FBN1: variants seen among roughly 807,000 people sequenced by gnomAD.
The protein encoded by FBN1 is fibrillin-1.
In FBN1, 29 loss-of-function variants were observed where a neutral mutation model predicts 365.1. The observed-to-expected ratio is 0.08, with a 90% CI of 0.06 to 0.11. The LOEUF (loss-of-function observed/expected upper bound fraction) is 0.11, where lower values mean the gene tolerates loss of function less well. Among genes scored for constraint, FBN1 ranks in the 10% least tolerant of loss-of-function variants. The pLI is 1.00. For synonymous variants in FBN1, 1,210 were observed against 1,270.5 expected (o/e 0.95, Z 1.01); for missense variants, 2,476 against 3,703.2 (o/e 0.67, Z 8.60).
At chr15:48,517,310 G>T (rs2043813256) in intron 10 of FBN1, among the ~76,000 whole-genome samples, 1 of 152,210 alleles carries the variant, frequency 6.6e-6, no homozygotes, top group Non-Finnish European at 1.5e-5. Context: ...ATGAGCTCAT[G>T]TAAGAGTGGT....
chr15:48,597,854 G>A (rs890969342), intron 5 of FBN1, among the ~76,000 whole-genome samples: 3 of 152,202 alleles, frequency 2.0e-5, no homozygotes, highest in Non-Finnish European at 2.9e-5. Flanking sequence ...TACAGATGAG[G>A]AAGCTGAAGT....
intron 6 of FBN1, among the ~76,000 whole-genome samples, chr15:48,559,399 T>C (rs1413471742): frequency 1.3e-5 from 2 of 152,022 alleles, no homozygotes; most frequent in Non-Finnish European, 2.9e-5. Context: ...GAGGCTGGAT[T>C]CCCCCAGACT....
In FBN1 at chr15:48,444,583, T is replaced by C. The variant is rs183690919; in HGVS notation, c.5995A>G (p.Ile1999Val). Reference protein sequence around the residue: ...CQNLDGSYRCICPPGYSLQNE... With the variant: ...CQNLDGSYRCVCPPGYSLQNE... ...TGAAGACTGTATCCAGGTGGGCAAATGCATCTGTAGGACCCATCCAAGTTT... is the reference window on the plus strand; with the variant it reads ...TGAAGACTGTATCCAGGTGGGCAAACGCATCTGTAGGACCCATCCAAGTTT... The change falls in exon 49 of 66, where the codon ATT becomes GTT. Residue 1999 changes from isoleucine to valine, a missense_variant. Physicochemically the swap from Ile to Val is conservative, Grantham distance 29. This residue lies in a region of FBN1 where 1,780 missense variants were observed against 2,840.8 expected (regional missense o/e 0.63). Transcript: ENST00000316623. 1.9e-6 allele frequency: 3 copies of C among 1,613,702 alleles called. No individual in the cohort carries two copies. The highest frequency in any genetic ancestry group is 1.7e-5 in the Admixed American group (1 of 59,966).
At chr15:48,450,278 A>AT (rs1432968250) in intron 45 of FBN1, among the ~76,000 whole-genome samples, 1 of 152,160 alleles carries the variant, frequency 6.6e-6, no homozygotes, top group African/African-American at 2.4e-5. Context: ...GGTCTGTCTC[A>AT]TATCTGAGTT....
At chr15:48,480,032 C>A (rs1173324370) in intron 32 of FBN1, among the ~76,000 whole-genome samples, 2 of 152,128 alleles carry the variant, frequency 1.3e-5, no homozygotes, top group African/African-American at 4.8e-5. Flanking sequence ...CATTATATGT[C>A]ATTTACCTAA....
intron 9 of FBN1, among the ~76,000 whole-genome samples, chr15:48,525,113 G>A (rs2043898236): frequency 6.7e-6 from 1 of 148,910 alleles, no homozygotes; most frequent in South Asian, 2.1e-4. Context: ...TTCAGATGAA[G>A]TCTCGTTCTA....
Position 48,427,777 on chromosome 15 carries a change from GAAGGGACATTATATGGCA to G in FBN1, c.6998-22_6998-5del. The G allele has an allele frequency of 6.2e-7, 1 of 1,613,426 alleles. No homozygotes were observed. Among genetic ancestry groups the G allele is most frequent in the South Asian group, 1.1e-5 (1 of 90,992 alleles). ...AAGCAGTACCCTTCCCGATTGTCTG[GAAGGGACATTATATGGCA>G]AAGGGGATGTCAGGAAATTTTAAGA... On this transcript the variant is annotated splice_polypyrimidine_tract_variant and splice_region_variant and intron_variant, in intron 57 of 65. Transcript: ENST00000316623.
chr15:48,498,205 C>T (rs997351332), intron 18 of FBN1, among the ~76,000 whole-genome samples: 4 of 151,998 alleles, frequency 2.6e-5, no homozygotes, highest in Admixed American at 6.6e-5. Context: ...GTCCCTATCA[C>T]AACTTACTTA....
At chr15:48,434,363 C>G (rs542253467) in intron 54 of FBN1, among the ~76,000 whole-genome samples, 12 of 152,236 alleles carry the variant, frequency 7.9e-5, no homozygotes, top group African/African-American at 2.9e-4. Flanking sequence ...TGAGAACTCT[C>G]TGTGATATAC....
In FBN1 at chr15:48,549,040, TG is replaced by T. The variant is rs533267755; in HGVS notation, c.539-11233del. Among the ~76,000 whole-genome samples the T allele has an allele frequency of 2.2e-3, 330 of 152,354 alleles. 1 individual carries two copies. The highest frequency in any genetic ancestry group is 6.8e-3 in the Middle Eastern group (2 of 294). ...ATTCACAACTCCTGCACAAAGCAAG[TG>T]TTCTTAGGAACTATGCTCATGCAAA... On this transcript the variant is annotated intron_variant, in intron 6 of 65. Coordinates refer to ENST00000316623, the MANE Select transcript of FBN1 (RefSeq NM_000138.5).
At chr15:48,607,386 ATT>A (rs1491282862) in intron 4 of FBN1, among the ~76,000 whole-genome samples, 3 of 142,222 alleles carry the variant, frequency 2.1e-5, no homozygotes, top group African/African-American at 7.9e-5. Flanking sequence ...ATATATATAT[ATT>A]ATTGTCTAAA....
rs36029488 is a variant in FBN1 at position 48,435,324 on chromosome 15, TA to T, written c.6497-612del. On this transcript the variant is annotated intron_variant, in intron 53 of 65. Transcript: ENST00000316623. ...TACTTGGAGTAGATGCTCTAAGGGT[TA>T]AAAAAAAAAAGGCCCCTATCACTCG... Among the ~76,000 whole-genome samples the T allele has an allele frequency of 5.4e-3, 777 of 142,778 alleles. 3 individuals are homozygous for T. Among genetic ancestry groups the T allele is most frequent in the Non-Finnish European group, 6.8e-3 (443 of 65,008 alleles). The allele number at this position is 142,778 out of a possible 152,430, so 93.7% of individuals were successfully genotyped here.
intron 8 of FBN1, among the ~76,000 whole-genome samples, chr15:48,528,005 G>T (rs554150670): frequency 2.0e-5 from 3 of 152,200 alleles, no homozygotes; most frequent in South Asian, 2.1e-4. Context: ...GAGCCTACAG[G>T]ATTCAAAGCT....
intron 6 of FBN1, among the ~76,000 whole-genome samples, chr15:48,583,837 C>A (rs1255844416): frequency 6.6e-6 from 1 of 152,196 alleles, no homozygotes; most frequent in African/African-American, 2.4e-5. Flanking sequence ...TTCATTACAA[C>A]TGCAACAGTT....
At chr15:48,608,832 T>C (rs2044633885) in intron 4 of FBN1, among the ~76,000 whole-genome samples, 1 of 152,222 alleles carries the variant, frequency 6.6e-6, no homozygotes. Flanking sequence ...ACCAGGACCA[T>C]GGCTTTTCCC....
At chr15:48,421,778 A>T in intron 61 of FBN1, 92 bp from the exon 62 acceptor site, 1 of 1,404,318 alleles carries the variant, frequency 7.1e-7, no homozygotes, top group Non-Finnish European at 9.9e-7. Flanking sequence ...AACTCGGAAA[A>T]GGCCAAATAA....
At chr15:48,541,709 A>G (rs946797460) in intron 6 of FBN1, among the ~76,000 whole-genome samples, 5 of 150,610 alleles carry the variant, frequency 3.3e-5, no homozygotes, top group Non-Finnish European at 5.9e-5. Flanking sequence ...ACATGATATT[A>G]AGCTAAATTT....
At chr15:48,556,889 C>T (rs1364150169) in intron 6 of FBN1, among the ~76,000 whole-genome samples, 1 of 152,172 alleles carries the variant, frequency 6.6e-6, no homozygotes, top group Non-Finnish European at 1.5e-5. Context: ...AAAAGCATCA[C>T]CCAGTGAGTT....
intron 9 of FBN1, 53 bp downstream of exon 9, chr15:48,526,074 GTTT>G: frequency 6.2e-7 from 1 of 1,608,438 alleles, no homozygotes; most frequent in Non-Finnish European, 8.5e-7. Context: ...TTAGAAAGTT[GTTT>G]GTTATGGAAC....
Sources: gnomAD v4.1 joint callset for allele counts (sites outside exome capture counted in the v4.1 genomes callset) on GRCh38, gnomAD v4.1.1 for gene constraint, gnomAD v4.1.1 regional missense constraint, MANE v1.5 for transcripts, NCBI Gene and HGNC (gene_info 2026-07-23, HGNC 2026-07-21) for gene names.